The following FARP2 variants were observed in gnomAD, a reference collection of about 807,000 sequenced individuals.
FARP2 encodes the protein FERM, ARHGEF and pleckstrin domain-containing protein 2.
Under a neutral mutation model 130.5 loss-of-function variants are expected in FARP2, and 111 were observed. The observed-to-expected ratio is 0.85, with a 90% CI of 0.73 to 1.00. FARP2 has a LOEUF of 1.00. FARP2 is among the 50% of genes least tolerant of loss of function. FARP2 has a pLI of 0.00. For missense variants in FARP2, 1,385 were observed against 1,346.3 expected, an observed-to-expected ratio of 1.03 and a Z score of -0.45; for synonymous variants, 504 against 516.9, an observed-to-expected ratio of 0.98 and a Z score of 0.34.
At chr2:241,442,826 A>G in intron 13 of FARP2, 1 of 279,502 alleles carries the variant, frequency 3.6e-6, no homozygotes, top group Non-Finnish European at 7.0e-6. Context: ...GCTTTGATTC[A>G]AGTAAGAACT....
chr2:241,388,907 G>A (rs1264775877), intron 2 of FARP2, among the ~76,000 whole-genome samples: 1 of 152,190 alleles, frequency 6.6e-6, no homozygotes, highest in East Asian at 1.9e-4. Context: ...CACCAATATG[G>A]TGGTATTTGG....
At position 241,463,394 on chromosome 2, in the gene FARP2, C is replaced by T. The variant is rs1361417917; in HGVS notation, c.1737C>T (p.Leu579=). The change falls in exon 16 of 27, where the codon CTC becomes CTT. Residue 579 remains leucine, a synonymous_variant. Transcript: ENST00000264042. ...TGCCTGCGACTCTGATGACGCTGCT[C>T]TTCTCCAACATCGATCCCATCTATG... ...DAMPATLMTL[L]FSNIDPIYEF... 2.5e-6 allele frequency: 4 copies of T among 1,614,154 alleles called. No homozygotes were observed. Among genetic ancestry groups the T allele is most frequent in the East Asian group, 4.5e-5 (2 of 44,878 alleles).
intron 14 of FARP2, among the ~76,000 whole-genome samples, chr2:241,461,620 TCTC>T (rs2064020658): frequency 6.6e-6 from 1 of 152,194 alleles, no homozygotes; most frequent in Non-Finnish European, 1.5e-5. Context: ...TTGCCTGTCT[TCTC>T]CTGGTAGGAC....
At chr2:241,450,900 TGAG>T (rs1452928082) in intron 13 of FARP2, among the ~76,000 whole-genome samples, 1 of 151,954 alleles carries the variant, frequency 6.6e-6, no homozygotes, top group Non-Finnish European at 1.5e-5. Flanking sequence ...TGTAGTGAGC[TGAG>T]ATTGCGCCAC....
At chr2:241,405,579 A>G (rs2062311808) in intron 4 of FARP2, among the ~76,000 whole-genome samples, 1 of 152,232 alleles carries the variant, frequency 6.6e-6, no homozygotes, top group Non-Finnish European at 1.5e-5. Flanking sequence ...TTTTATACCA[A>G]TAAACTAAGA....
intron 2 of FARP2, among the ~76,000 whole-genome samples, chr2:241,373,493 T>G (rs1019120601): frequency 7.9e-5 from 12 of 152,216 alleles, no homozygotes; most frequent in Non-Finnish European, 1.8e-4. Context: ...TGTTTAAAAT[T>G]GTAGTACAAT....
At position 241,462,607 on chromosome 2, in the gene FARP2, A is replaced by G; in HGVS notation, c.1672A>G (p.Thr558Ala). The change falls in exon 15 of 27, where the codon ACC (threonine) becomes GCC (alanine). Residue 558 changes from threonine to alanine, a missense_variant. Coordinates refer to ENST00000264042, the MANE Select transcript of FARP2 (RefSeq NM_014808.4). ...RTYLKDLEVI[T>A]VWFRSAVVKE... is the part of the protein sequence containing the mutation. ...ATACCTCAAGGATTTAGAAGTTATT[A>G]CCGTGGTACGAAAGTCCTTGATTAC... 1 of 1,603,338 alleles carries G rather than the reference A, an allele frequency of 6.2e-7. No individual in the cohort carries two copies. The highest frequency in any genetic ancestry group is 8.5e-7 in the Non-Finnish European group (1 of 1,170,142).
Position 241,373,281 on chromosome 2 carries a change from T to G in FARP2, c.174T>G (p.Phe58Leu). 2.7e-6 allele frequency: 4 copies of G among 1,460,134 alleles called. No individual in the cohort carries two copies. Among genetic ancestry groups the G allele is most frequent in the Non-Finnish European group, 9.1e-7 (1 of 1,094,108 alleles). The allele number at this position is 1,460,134 out of a possible 1,614,324, so 90.4% of individuals were successfully genotyped here. A position where few individuals can be genotyped will look rare whatever the true frequency, so the allele number is the denominator to read the frequency against. ...TGCTGGACAACACCATGGAAATATT[T>G]GACATTGAGGTAAGAAGCATGATTT... The part of the protein sequence containing the change: ...VKLLDNTMEI[F>L]DIEPKCDGQV... The change falls in exon 2 of 27, where the codon TTT becomes TTG. Residue 58 changes from phenylalanine to leucine, a missense_variant. By Grantham distance (22) the Phe-to-Leu change is conservative. Coordinates refer to ENST00000264042, the MANE Select transcript of FARP2 (RefSeq NM_014808.4).
At chr2:241,370,257 A>C (rs141436462) in intron 1 of FARP2, among the ~76,000 whole-genome samples, 2 of 152,230 alleles carry the variant, frequency 1.3e-5, no homozygotes, top group African/African-American at 4.8e-5. Flanking sequence ...TGACCATTAC[A>C]CATTGTTTGC....
rs2124852922 is a variant in FARP2 at position 241,475,068 on chromosome 2, T to C, written c.2132-789T>C. ...TTGCTTGAACTATAAGATTAGCATC[T>C]GTTCCTGGTTAAAAGAGAAAGTTAC... On this transcript the variant is annotated intron_variant, in intron 18 of 26. Transcript: ENST00000264042. The surrounding 1 kb of genome is among the most constrained non-coding windows in gnomAD (Gnocchi z 4.4). 6.6e-6 allele frequency among the ~76,000 whole-genome samples: 1 copy of C among 152,360 alleles called. No individual in the cohort carries two copies. The highest frequency in any genetic ancestry group is 2.1e-4 in the South Asian group (1 of 4,834).
rs975906162 is a variant in FARP2, at chr2:241,368,552, C to T, written c.-24-4532C>T. Among the ~76,000 whole-genome samples the T allele has an allele frequency of 5.9e-5, 9 of 152,250 alleles. No homozygotes were observed. In the South Asian group the frequency reaches 1.0e-3, roughly 18 times the overall value. Reference sequence around the variant, plus strand: ...TTTATGTGAAACAGCCTCAGCCTCCCGAGTAGCTGGGATTGACAGGCTTTG... The same window carrying T: ...TTTATGTGAAACAGCCTCAGCCTCCTGAGTAGCTGGGATTGACAGGCTTTG... On this transcript the variant is annotated intron_variant, in intron 1 of 26. Coordinates refer to ENST00000264042, the MANE Select transcript of FARP2 (RefSeq NM_014808.4).
At chr2:241,467,483 T>TA (rs1453883414) in intron 17 of FARP2, among the ~76,000 whole-genome samples, 2 of 151,886 alleles carry the variant, frequency 1.3e-5, no homozygotes, top group African/African-American at 4.8e-5. Flanking sequence ...CCCATCTCTA[T>TA]AAAAAATATT....
intron 1 of FARP2, among the ~76,000 whole-genome samples, chr2:241,366,207 C>G (rs1383327983): frequency 6.8e-6 from 1 of 148,130 alleles, no homozygotes; most frequent in Non-Finnish European, 1.5e-5. Flanking sequence ...GGTTTTGCAC[C>G]TTTTATTCAC....
chr2:241,447,232 C>T (rs1003424475), intron 13 of FARP2: 2 of 152,180 alleles, frequency 1.3e-5, no homozygotes, highest in Non-Finnish European at 2.9e-5. Context: ...ATCCCTGAAG[C>T]AGCTGCATAT....
chr2:241,394,841 T>C (rs959487994), intron 2 of FARP2, among the ~76,000 whole-genome samples: 3 of 152,208 alleles, frequency 2.0e-5, no homozygotes, highest in Admixed American at 6.5e-5. Context: ...TTGTAGACCT[T>C]ATTAAGAAGC....
intron 2 of FARP2, among the ~76,000 whole-genome samples, chr2:241,403,418 T>TG (rs1362404303): frequency 6.6e-6 from 1 of 152,054 alleles, no homozygotes; most frequent in Non-Finnish European, 1.5e-5. Context: ...GTCACTGTAT[T>TG]GCCTAGGTTG....
intron 19 of FARP2, 113 bp downstream of exon 19, chr2:241,476,100 C>A: frequency 1.0e-6 from 1 of 966,212 alleles, no homozygotes; most frequent in Non-Finnish European, 1.5e-6. Context: ...TGGCCAGGCA[C>A]AGTGGCTCAT....
chr2:241,430,598 G>A (rs940053725), intron 8 of FARP2, among the ~76,000 whole-genome samples: 1 of 152,114 alleles, frequency 6.6e-6, no homozygotes, highest in Non-Finnish European at 1.5e-5. Context: ...TCTACTCCCT[G>A]CCCTGCCTGG....
At chr2:241,424,754 A>G (rs535863178) in intron 8 of FARP2, among the ~76,000 whole-genome samples, 82 of 152,342 alleles carry the variant, frequency 5.4e-4, no homozygotes, top group African/African-American at 1.9e-3. Context: ...ACAATCTGAA[A>G]TGATAGGGGA....
Sources: gnomAD v4.1 joint callset for allele counts (sites outside exome capture counted in the v4.1 genomes callset) on GRCh38, gnomAD v4.1.1 for gene constraint, Gnocchi (gnomAD v3.1) non-coding constraint, MANE v1.5 for transcripts, NCBI Gene and HGNC (gene_info 2026-07-23, HGNC 2026-07-21) for gene names.